The following CST7 variants were observed in gnomAD, a reference collection of about 807,000 sequenced individuals.
The protein encoded by CST7 is cystatin-F.
Under a neutral mutation model 13.1 loss-of-function variants are expected in CST7, and 15 were observed. The ratio of observed to expected loss-of-function variants is 1.14; its 90% CI spans 0.77 to 1.76. The LOEUF (loss-of-function observed/expected upper bound fraction) is 1.76, where lower values mean the gene tolerates loss of function less well. Among genes scored for constraint, CST7 ranks in the 40% most tolerant of loss-of-function variants. CST7 has a pLI of 0.00. For synonymous variants in CST7, 75 were observed against 66.9 expected (o/e 1.12, Z -0.59); for missense variants, 193 against 178.8 (o/e 1.08, Z -0.45).
At chr20:24,957,559 C>T (rs13041643) in intron 2 of CST7, 100 bp downstream of exon 2, 621,013 of 1,194,260 alleles carry the variant, frequency 0.52, 169,373 homozygotes, top group East Asian at 0.92. Context: ...AATGTGAAGT[C>T]CCTGCTGAGT....
At chr20:24,957,557 G>A (rs549072008) in intron 2 of CST7, 98 bp downstream of exon 2, 1 of 1,275,204 alleles carries the variant, frequency 7.8e-7, no homozygotes, top group Non-Finnish European at 1.1e-6. Context: ...ATAATGTGAA[G>A]TCCCTGCTGA....
intron 1 of CST7, among the ~76,000 whole-genome samples, chr20:24,951,885 T>C (rs2087821502): frequency 6.6e-6 from 1 of 152,202 alleles, no homozygotes; most frequent in Admixed American, 6.5e-5. Flanking sequence ...TGCCATGTCA[T>C]CCTCTGCCCC....
chr20:24,950,247 C>A (rs1425752452), intron 1 of CST7, among the ~76,000 whole-genome samples: 1 of 152,206 alleles, frequency 6.6e-6, no homozygotes, highest in Non-Finnish European at 1.5e-5. Flanking sequence ...GAGGCCCCCA[C>A]CTCATTTAAC....
intron 1 of CST7, among the ~76,000 whole-genome samples, chr20:24,949,781 G>T (rs922213466): frequency 6.6e-6 from 1 of 152,190 alleles, no homozygotes; most frequent in Admixed American, 6.5e-5. Flanking sequence ...AGGGATGAAG[G>T]GTTTGGGGGC....
chr20:24,958,445 TTTC>T (rs1238297262), intron 2 of CST7, among the ~76,000 whole-genome samples: 1 of 152,188 alleles, frequency 6.6e-6, no homozygotes, highest in East Asian at 1.9e-4. Context: ...CTGAGGAATT[TTTC>T]TTCAACTCCT....
chr20:24,957,740 G>A (rs937352518), intron 2 of CST7, among the ~76,000 whole-genome samples: 2 of 152,172 alleles, frequency 1.3e-5, no homozygotes, highest in African/African-American at 4.8e-5. Context: ...AGGTGCCAGG[G>A]CCCTAATGGG....
At chr20:24,955,353 A>G (rs972862255) in intron 1 of CST7, among the ~76,000 whole-genome samples, 18 of 152,178 alleles carry the variant, frequency 1.2e-4, no homozygotes, top group African/African-American at 4.3e-4. Flanking sequence ...GCCTGGGGAA[A>G]TGCAGGTTCC....
chr20:24,949,607 G>T lies in CST7; in HGVS notation c.70+32G>T, dbSNP rs369375433. On this transcript the variant is annotated intron_variant, in intron 1 of 3. Transcript: ENST00000480798. ...GGCGTTCTCCCCTGTCCGCTCCCCG[G>T]GGGTCTCTCCCTGAGATTGGCCACT... The T allele has an allele frequency of 2.8e-5, 45 of 1,612,558 alleles. No homozygotes were observed. In the Middle Eastern group the frequency reaches 4.9e-4, roughly 18 times the overall value.
chr20:24,959,717 C>T lies in CST7; in HGVS notation c.*5C>T, dbSNP rs140096851. 8.6e-3 allele frequency: 13,842 copies of T among 1,613,806 alleles called. 63 individuals are homozygous for T. Among genetic ancestry groups the T allele is most frequent in the Non-Finnish European group, 9.7e-3 (11,484 of 1,179,802 alleles). On this transcript the variant is annotated 3_prime_UTR_variant, in exon 4 of 4. Transcript: ENST00000480798. ...CCTGTTCTCCGTTGTCACTGACCCCCGCCTCTTCAGCAAGACCACAGCCAT... is the reference window on the plus strand; with the variant it reads ...CCTGTTCTCCGTTGTCACTGACCCCTGCCTCTTCAGCAAGACCACAGCCAT...
At chr20:24,949,935 C>T (rs567040814) in intron 1 of CST7, among the ~76,000 whole-genome samples, 8 of 152,314 alleles carry the variant, frequency 5.3e-5, no homozygotes, top group Non-Finnish European at 8.8e-5. Flanking sequence ...TGTGGTTAGC[C>T]GCTTCTATCT....
At chr20:24,955,728 C>G (rs1242073678) in intron 1 of CST7, among the ~76,000 whole-genome samples, 1 of 152,186 alleles carries the variant, frequency 6.6e-6, no homozygotes, top group Non-Finnish European at 1.5e-5. Context: ...GGATTACAGA[C>G]GTGAGCCACC....
Position 24,949,300 on chromosome 20 carries a change from C to T in CST7, c.-206C>T. The stretch of plus-strand genomic sequence containing the variant: ...CCATGCTGCCCAAGAAGGCTCAGCA[C>T]AGGCACAAACCATTGCCCGGCACTG... On this transcript the variant is annotated 5_prime_UTR_variant, in exon 1 of 4. Coordinates refer to ENST00000480798, the MANE Select transcript of CST7 (RefSeq NM_003650.4). 1 of 1,463,632 alleles carries T rather than the reference C, an allele frequency of 6.8e-7. No individual in the cohort carries two copies. The highest frequency in any genetic ancestry group is 9.1e-7 in the Non-Finnish European group (1 of 1,094,012). The allele number at this position is 1,463,632 out of a possible 1,614,324, so 90.7% of individuals were successfully genotyped here.
intron 1 of CST7, among the ~76,000 whole-genome samples, chr20:24,951,562 C>A (rs1030094898): frequency 1.3e-5 from 2 of 152,176 alleles, no homozygotes; most frequent in Non-Finnish European, 2.9e-5. Context: ...TGCGTCCTGC[C>A]CCCACTCCAC....
intron 1 of CST7, 64 bp from the exon 2 acceptor site, chr20:24,957,223 G>C: frequency 6.5e-7 from 1 of 1,533,088 alleles, no homozygotes; most frequent in South Asian, 1.2e-5. Flanking sequence ...GGCATGAGGC[G>C]TGACACCTGG....
chr20:24,958,877 C>T (rs757727120), intron 2 of CST7, 51 bp from the exon 3 acceptor site: 7 of 1,367,804 alleles, frequency 5.1e-6, no homozygotes, highest in East Asian at 2.3e-5. Flanking sequence ...AGTGGAGAAG[C>T]CTGCCCTCCC....
rs778331908 is a variant in CST7 at position 24,957,352 on chromosome 20, G to A, written c.136G>A (p.Asp46Asn). Reference sequence around the variant, plus strand: ...ATTTCCTAAAACAATAAAGACCAATGACCCAGGAGTCCTCCAAGCAGCCAG... The same window carrying A: ...ATTTCCTAAAACAATAAAGACCAATAACCCAGGAGTCCTCCAAGCAGCCAG... ...PGFPKTIKTN[D>N]PGVLQAARYS... Residue 46 changes from aspartate to asparagine, a missense_variant, in exon 2 of 4, where the codon GAC becomes AAC. By Grantham distance (23) the Asp-to-Asn change is conservative (BLOSUM62 1). Transcript: ENST00000480798. 3 of 1,613,620 alleles carry A rather than the reference G, an allele frequency of 1.9e-6. No individual in the cohort carries two copies. The African/African-American group carries it at 4.0e-5, about 22-fold the overall frequency.
At position 24,959,844 on chromosome 20, in the gene CST7, AC is replaced by A. The variant is rs1251078116; in HGVS notation, c.*133del. ...CTGACGAGTGAGCGGGTGAAGTGCC[AC>A]TGGGTCACCGCAGGGCAGCTGGAAT... On this transcript the variant is annotated 3_prime_UTR_variant, in exon 4 of 4. Coordinates refer to ENST00000480798, the MANE Select transcript of CST7 (RefSeq NM_003650.4). The A allele has an allele frequency of 1.2e-6, 1 of 834,312 alleles. No homozygotes were observed. The highest frequency in any genetic ancestry group is 1.8e-5 in the Admixed American group (1 of 54,184). The allele number at this position is 834,312 out of a possible 1,614,324, so 51.7% of individuals were successfully genotyped here. A position where few individuals can be genotyped will look rare whatever the true frequency, so the allele number is the denominator to read the frequency against.
rs1477622935 is a variant in CST7 at position 24,957,423 on chromosome 20, G to C, written c.207G>C (p.Leu69Phe). 1 of 1,613,794 alleles carries C rather than the reference G, an allele frequency of 6.2e-7. No homozygotes were observed. Among genetic ancestry groups the C allele is most frequent in the South Asian group, 1.1e-5 (1 of 91,088 alleles). ...KFNNCTNDMF[L>F]FKESRITRAL... is the part of the protein sequence containing the mutation. ...ACAACTGCACGAACGACATGTTCTT[G>C]TTCAAGGAGTCCCGCATCACAAGGG... is the stretch of plus-strand genomic sequence containing the variant. Residue 69 changes from leucine to phenylalanine, a missense_variant, in exon 2 of 4, where the codon TTG becomes TTC. Coordinates refer to ENST00000480798, the MANE Select transcript of CST7 (RefSeq NM_003650.4).
intron 1 of CST7, among the ~76,000 whole-genome samples, chr20:24,956,416 A>G (rs1007905842): frequency 6.6e-6 from 1 of 152,154 alleles, no homozygotes; most frequent in African/African-American, 2.4e-5. Flanking sequence ...CATCCAGTCC[A>G]TAGCAGGCAC....
Sources: gnomAD v4.1 joint callset for allele counts (sites outside exome capture counted in the v4.1 genomes callset) on GRCh38, gnomAD v4.1.1 for gene constraint, MANE v1.5 for transcripts, NCBI Gene and HGNC (gene_info 2026-07-23, HGNC 2026-07-21) for gene names.